Variants in VWA3A observed in about 807,000 individuals in gnomAD.
VWA3A encodes von Willebrand factor A domain-containing protein 3A.
VWA3A carries 134 observed loss-of-function variants against 160.4 expected under a neutral mutation model. The observed-to-expected ratio is 0.84, with a 90% CI of 0.73 to 0.96. VWA3A has a LOEUF of 0.96. Ranked by LOEUF, VWA3A falls within the 40% of genes least tolerant of loss-of-function variation. VWA3A has a pLI of 0.00. For missense variants in VWA3A, 1,310 were observed against 1,447.9 expected, an observed-to-expected ratio of 0.90 and a Z score of 1.55; for synonymous variants, 476 against 543.4, an observed-to-expected ratio of 0.88 and a Z score of 1.72.
At chr16:22,116,723 C>T (rs1164988376) in intron 9 of VWA3A, 36 bp from the exon 10 acceptor site, 1 of 1,539,486 alleles carries the variant, frequency 6.5e-7, no homozygotes, top group Non-Finnish European at 9.0e-7. Flanking sequence ...AGTGGTCTGA[C>T]CTGGGATTTC....
intron 6 of VWA3A, among the ~76,000 whole-genome samples, chr16:22,103,987 G>C (rs963052223): frequency 6.6e-6 from 1 of 152,148 alleles, no homozygotes; most frequent in South Asian, 2.1e-4. Context: ...AGGGGGGAAG[G>C]GGAAAGAGAC....
intron 16 of VWA3A, among the ~76,000 whole-genome samples, chr16:22,124,473 A>G (rs1220427895): frequency 1.3e-5 from 2 of 150,074 alleles, no homozygotes; most frequent in African/African-American, 4.9e-5. Context: ...TTATGATTCC[A>G]TACCTTGTTT....
intron 6 of VWA3A, 149 bp downstream of exon 6, chr16:22,103,678 CCACA>C: frequency 1.1e-6 from 1 of 879,272 alleles, no homozygotes; most frequent in Non-Finnish European, 1.7e-6. Context: ...AAAACCCCAG[CCACA>C]GCTGGATCCA....
intron 16 of VWA3A, among the ~76,000 whole-genome samples, chr16:22,125,080 C>T (rs927245116): frequency 2.0e-5 from 3 of 151,968 alleles, no homozygotes; most frequent in African/African-American, 4.8e-5. Context: ...GTTTTCCCTA[C>T]GAAGACCCCA....
chr16:22,153,537 G>T (rs2046385443), intron 31 of VWA3A, among the ~76,000 whole-genome samples: 1 of 152,112 alleles, frequency 6.6e-6, no homozygotes, highest in African/African-American at 2.4e-5. Flanking sequence ...TATCTATTAA[G>T]TAATAAGTCT....
At position 22,121,079 on chromosome 16, in the gene VWA3A, T is replaced by G. The variant is rs2045726242; in HGVS notation, c.1228T>G (p.Trp410Gly). 6.2e-7 allele frequency: 1 copy of G among 1,613,656 alleles called. No homozygotes were observed. The highest frequency in any genetic ancestry group is 8.5e-7 in the Non-Finnish European group (1 of 1,179,820). Reference sequence around the variant, plus strand: ...AAACTTGGACAAGACTTCTGCAGAGTGGCTTAAGGTCAATGGTCTGAAAGG... The same window carrying G: ...AAACTTGGACAAGACTTCTGCAGAGGGGCTTAAGGTCAATGGTCTGAAAGG... ...FPNLDKTSAEWLKVNGLKAKK... is the reference protein window; with the variant it reads ...FPNLDKTSAEGLKVNGLKAKK... Residue 410 changes from tryptophan (W) to glycine (G), a missense_variant, in exon 13 of 34, where the codon TGG becomes GGG. By Grantham distance (184) the Trp-to-Gly change is radical (BLOSUM62 -2). Transcript: ENST00000389398.
At chr16:22,093,838 C>T (rs1567522287) in intron 1 of VWA3A, among the ~76,000 whole-genome samples, 1 of 152,146 alleles carries the variant, frequency 6.6e-6, no homozygotes, top group Non-Finnish European at 1.5e-5. Context: ...GATCACAGCT[C>T]ACCGCAGCCT....
At position 22,121,597 on chromosome 16, in the gene VWA3A, G is replaced by A; in HGVS notation, c.1336G>A (p.Val446Ile). The change falls in exon 14 of 34, where the codon GTA (valine) becomes ATA (isoleucine). Residue 446 changes from valine (V) to isoleucine (I), a missense_variant. By Grantham distance (29) the Val-to-Ile change is conservative. Transcript: ENST00000389398. ...ATTTGTACCTATTCTCCAGAAAACA[G>A]TATCATCGACCATCCATGAGGTAAT... ...EEFVPILQKT[V>I]SSTIHEKAMI... 1 of 1,612,912 alleles carries A rather than the reference G, an allele frequency of 6.2e-7. No homozygotes were observed. Among genetic ancestry groups the A allele is most frequent in the Non-Finnish European group, 8.5e-7 (1 of 1,179,104 alleles).
At chr16:22,106,246 G>A (rs1047010059) in intron 6 of VWA3A, among the ~76,000 whole-genome samples, 19 of 152,012 alleles carry the variant, frequency 1.2e-4, no homozygotes, top group Admixed American at 8.5e-4. Context: ...TTAGCCAGGC[G>A]TGGTGATGGG....
At chr16:22,148,023 TG>T in intron 27 of VWA3A, 138 bp from the exon 28 acceptor site, 1 of 1,121,796 alleles carries the variant, frequency 8.9e-7, no homozygotes, top group African/African-American at 1.6e-5. Flanking sequence ...CGTCTCTCAG[TG>T]GGGTGACATC....
intron 25 of VWA3A, 45 bp from the exon 26 acceptor site, chr16:22,144,202 G>T: frequency 6.4e-7 from 1 of 1,562,716 alleles, no homozygotes; most frequent in Non-Finnish European, 8.7e-7. Flanking sequence ...TCATTCAGTT[G>T]AGTCTGAATT....
At chr16:22,141,056 T>G in intron 23 of VWA3A, 1 of 370,168 alleles carries the variant, frequency 2.7e-6, no homozygotes, top group Non-Finnish European at 5.4e-6. Context: ...ATCTGTATTC[T>G]ATCAGCTTCC....
At chr16:22,138,608 G>C (rs1284544886) in intron 22 of VWA3A, 96 bp downstream of exon 22, 1 of 1,503,460 alleles carries the variant, frequency 6.7e-7, no homozygotes, top group Admixed American at 2.0e-5. Context: ...CAGCAGGGAT[G>C]GGGGTGGGTG....
chr16:22,144,225 A>G (rs1216589620), intron 25 of VWA3A, 22 bp from the exon 26 acceptor site: 2 of 1,600,012 alleles, frequency 1.2e-6, no homozygotes, highest in Admixed American at 3.5e-5. Flanking sequence ...CTAAGATAAT[A>G]GTTCTTTCCT....
chr16:22,152,730 G>C, intron 31 of VWA3A, 96 bp downstream of exon 31: 2 of 1,507,920 alleles, frequency 1.3e-6, no homozygotes, highest in Non-Finnish European at 1.8e-6. Flanking sequence ...CTGGGCTCAA[G>C]TGAACCTCCC....
intron 9 of VWA3A, chr16:22,116,235 AG>A (rs1385506669): frequency 5.1e-6 from 2 of 391,268 alleles, no homozygotes; most frequent in South Asian, 1.9e-5. Context: ...GGAAAGAGAA[AG>A]GAAAGAAGGA....
chr16:22,135,107 A>C lies in VWA3A; in HGVS notation c.2139+669A>C, dbSNP rs547477309. ...AAAAAGGTATCTCAGATGGGAGATG[A>C]AGAACTTGCTTGGATATCAAGGATG... On this transcript the variant is annotated intron_variant, in intron 21 of 33. Coordinates refer to ENST00000389398, the MANE Select transcript of VWA3A (RefSeq NM_173615.5). 3.9e-5 allele frequency among the ~76,000 whole-genome samples: 6 copies of C among 152,318 alleles called. No homozygotes were observed. The South Asian group carries it at 1.2e-3, about 32-fold the overall frequency.
chr16:22,103,456 C>A lies in VWA3A; in HGVS notation c.429-19C>A, dbSNP rs1279745671. The A allele has an allele frequency of 1.9e-6, 3 of 1,551,154 alleles. No homozygotes were observed. The highest frequency in any genetic ancestry group is 1.7e-4 in the Middle Eastern group (1 of 5,988). On this transcript the variant is annotated intron_variant, in intron 5 of 33. Coordinates refer to ENST00000389398, the MANE Select transcript of VWA3A (RefSeq NM_173615.5). ...ATGACGCTGGCCTTGGGTGATGAGT[C>A]TTTCTGATGTCTTGACAGCACTATT...
At chr16:22,096,402 A>G (rs943425003) in intron 1 of VWA3A, among the ~76,000 whole-genome samples, 1 of 152,190 alleles carries the variant, frequency 6.6e-6, no homozygotes, top group Non-Finnish European at 1.5e-5. Flanking sequence ...CGAGGCTGCC[A>G]TAAGTTATGT....
Sources: allele counts gnomAD v4.1 joint callset (sites outside exome capture counted in the v4.1 genomes callset), GRCh38; gene constraint gnomAD v4.1.1; transcripts MANE v1.5; gene names NCBI Gene and HGNC (gene_info 2026-07-23, HGNC 2026-07-21).